The following RPN2 variants were observed in gnomAD, a reference collection of about 807,000 sequenced individuals.
RPN2 encodes the protein dolichyl-diphosphooligosaccharide--protein glycosyltransferase subunit 2.
In RPN2, 29 loss-of-function variants were observed where a neutral mutation model predicts 71.4. That is an observed-to-expected ratio of 0.41 (90% CI 0.30 to 0.55). The LOEUF (loss-of-function observed/expected upper bound fraction) is 0.55. RPN2 is among the 20% of genes least tolerant of loss of function. The pLI is 0.35. For synonymous variants in RPN2, 308 were observed against 305.0 expected (o/e 1.01, Z -0.10); for missense variants, 726 against 774.1 (o/e 0.94, Z 0.74).
chr20:37,236,886 T>C (rs1054756602), intron 16 of RPN2, among the ~76,000 whole-genome samples, 177 bp downstream of exon 16: 2 of 152,238 alleles, frequency 1.3e-5, no homozygotes, highest in African/African-American at 4.8e-5. Context: ...AGAGCCTTAG[T>C]GGTCAGCTTT....
In RPN2 at chr20:37,184,305, A is replaced by G. The variant is rs979094699; in HGVS notation, c.139A>G (p.Asn47Asp). 6.8e-6 allele frequency: 11 copies of G among 1,613,988 alleles called. No homozygotes were observed. Among genetic ancestry groups the G allele is most frequent in the Admixed American group, 1.7e-5 (1 of 59,996 alleles). Residue 47 changes from asparagine to aspartate, a missense_variant, in exon 2 of 17, where the codon AAT (asparagine) becomes GAT (aspartate). Physicochemically the swap from Asn to Asp is conservative, Grantham distance 23. Transcript: ENST00000237530. ...LKASLDRPFT[N>D]LESAFYSIVG... ...AGCCTCGCTGGATCGCCCTTTCACA[A>G]ATTTGGAATCTGCCTTCTACTCCAT...
chr20:37,190,385 G>A (rs1222521241), intron 2 of RPN2, among the ~76,000 whole-genome samples: 4 of 152,194 alleles, frequency 2.6e-5, no homozygotes, highest in Non-Finnish European at 4.4e-5. Context: ...TACAGACGCT[G>A]AAGTCAGAGT....
intron 16 of RPN2, among the ~76,000 whole-genome samples, chr20:37,237,970 T>G (rs975325487): frequency 2.0e-5 from 3 of 152,086 alleles, no homozygotes; most frequent in Non-Finnish European, 4.4e-5. Context: ...GGCGGGAGGA[T>G]CGCTTGAGCT....
Position 37,198,386 on chromosome 20 carries a change from C to G in RPN2, c.208-11C>G. ...GTCACCACTTAACATTGACTTTTCC[C>G]CACTGTGTAGAAAGCATGTACCTAC... On this transcript the variant is annotated splice_polypyrimidine_tract_variant and intron_variant, in intron 2 of 16. Transcript: ENST00000237530. 6.2e-7 allele frequency: 1 copy of G among 1,614,194 alleles called. No individual in the cohort carries two copies.
chr20:37,184,205 C>G lies in RPN2; in HGVS notation c.39C>G (p.Ala13=). ...GTTCAAGCACTGTCTTCCTGTTGGC[C>G]CTGACAATCATAGCCAGCACCTGGG... ...PPGSSTVFLL[A]LTIIASTWAL... The change falls in exon 2 of 17, where the codon GCC becomes GCG. Residue 13 remains alanine (A), a synonymous_variant. Coordinates refer to ENST00000237530, the MANE Select transcript of RPN2 (RefSeq NM_002951.5). 1.2e-6 allele frequency: 2 copies of G among 1,614,162 alleles called. No homozygotes were observed. Among genetic ancestry groups the G allele is most frequent in the South Asian group, 2.2e-5 (2 of 91,084 alleles).
At chr20:37,241,279 GT>G (rs1569006143) in intron 16 of RPN2, 23 bp from the exon 17 acceptor site, 1 of 1,612,050 alleles carries the variant, frequency 6.2e-7, no homozygotes, top group Non-Finnish European at 8.5e-7. Context: ...CAGTAATTCT[GT>G]GTTTGTCTCC....
rs370415994 is a variant in RPN2 at position 37,232,281 on chromosome 20, T to C, written c.1582-15T>C. On this transcript the variant is annotated splice_polypyrimidine_tract_variant and intron_variant, in intron 13 of 16. Coordinates refer to ENST00000237530, the MANE Select transcript of RPN2 (RefSeq NM_002951.5). ...AGGGCACATTCTTAAGTCTTCTTGG[T>C]GTGTCTTTCGGCAGCACCTGTTCCG... 5.6e-6 allele frequency: 9 copies of C among 1,614,040 alleles called. No individual in the cohort carries two copies. In the African/African-American group the frequency reaches 1.2e-4, roughly 22 times the overall value.
At chr20:37,199,448 A>G (rs997474826) in intron 4 of RPN2, among the ~76,000 whole-genome samples, 3 of 152,248 alleles carry the variant, frequency 2.0e-5, no homozygotes, top group Non-Finnish European at 4.4e-5. Flanking sequence ...CAAGCCTCGC[A>G]GACAGAAGGC....
chr20:37,180,334 T>A (rs1331417845), intron 1 of RPN2, among the ~76,000 whole-genome samples: 1 of 152,232 alleles, frequency 6.6e-6, no homozygotes, highest in Non-Finnish European at 1.5e-5. Flanking sequence ...AGGTAACTAC[T>A]TCTGAGCCTT....
At chr20:37,234,430 G>T (rs1260736392) in intron 15 of RPN2, among the ~76,000 whole-genome samples, 2 of 152,198 alleles carry the variant, frequency 1.3e-5, no homozygotes, top group African/African-American at 4.8e-5. Flanking sequence ...CATTAATGCA[G>T]TTTCCAAAGG....
chr20:37,217,334 C>G (rs2067836234), intron 9 of RPN2, among the ~76,000 whole-genome samples: 1 of 151,592 alleles, frequency 6.6e-6, no homozygotes, highest in Non-Finnish European at 1.5e-5. Context: ...CGCTCTGTCA[C>G]CAGGCTGGAA....
intron 7 of RPN2, among the ~76,000 whole-genome samples, chr20:37,208,007 C>T (rs911557325): frequency 3.9e-5 from 6 of 152,144 alleles, no homozygotes; most frequent in Non-Finnish European, 8.8e-5. Flanking sequence ...TACTGTGGCT[C>T]ACGCCTGTAA....
At chr20:37,184,467 C>T (rs1390268905) in intron 2 of RPN2, 94 bp downstream of exon 2, 3 of 1,112,470 alleles carry the variant, frequency 2.7e-6, no homozygotes, top group Non-Finnish European at 4.0e-6. Context: ...CTAACTCTTG[C>T]TCATTTGAGG....
chr20:37,203,666 G>C (rs1271278652), intron 4 of RPN2, among the ~76,000 whole-genome samples: 2 of 152,202 alleles, frequency 1.3e-5, no homozygotes. Flanking sequence ...CTTCTTGCCA[G>C]TTCTGTTGCC....
At chr20:37,190,264 G>A (rs547320064) in intron 2 of RPN2, among the ~76,000 whole-genome samples, 2 of 152,282 alleles carry the variant, frequency 1.3e-5, no homozygotes, top group East Asian at 1.9e-4. Flanking sequence ...ACAAGTTTGC[G>A]GGATGTTGGT....
At chr20:37,197,285 G>A (rs775486586) in intron 2 of RPN2, among the ~76,000 whole-genome samples, 4 of 152,150 alleles carry the variant, frequency 2.6e-5, no homozygotes, top group Admixed American at 6.5e-5. Context: ...AAAGCAACAC[G>A]GTTACACTTG....
rs546768849 is a variant in RPN2, at chr20:37,179,377, G to C, written c.13+8G>C. The C allele has an allele frequency of 4.3e-5, 13 of 301,876 alleles. No individual in the cohort carries two copies. The African/African-American group carries it at 1.9e-3, about 44-fold the overall frequency. The allele number at this position is 301,876 out of a possible 1,614,324, so 18.7% of individuals were successfully genotyped here. On this transcript the variant is annotated splice_region_variant and intron_variant, in intron 1 of 16. Transcript: ENST00000237530. ...GAGGAATGGCGCCGCCGGGTGAGGA[G>C]TTGCGCGTGGCTTTGGGGAGAGGGC...
chr20:37,186,428 T>C (rs549583732), intron 2 of RPN2, among the ~76,000 whole-genome samples: 14 of 152,136 alleles, frequency 9.2e-5, no homozygotes, highest in South Asian at 2.1e-4. Context: ...CTGGATGGAG[T>C]GTCTTCAAGC....
At chr20:37,205,941 G>A (rs1299557403) in intron 6 of RPN2, among the ~76,000 whole-genome samples, 2 of 152,194 alleles carry the variant, frequency 1.3e-5, no homozygotes, top group Non-Finnish European at 2.9e-5. Flanking sequence ...CTTGGCTGGA[G>A]TAATTTCGCT....
Sources: gnomAD v4.1 joint callset for allele counts (sites outside exome capture counted in the v4.1 genomes callset) on GRCh38, gnomAD v4.1.1 for gene constraint, MANE v1.5 for transcripts, NCBI Gene and HGNC (gene_info 2026-07-23, HGNC 2026-07-21) for gene names.